The following ANKRD30B variants were observed in gnomAD, a reference collection of about 807,000 sequenced individuals.
The protein encoded by ANKRD30B is ankyrin repeat domain 30B.
ANKRD30B carries 144 observed loss-of-function variants against 202.2 expected under a neutral mutation model. The ratio of observed to expected loss-of-function variants is 0.71; its 90% CI spans 0.62 to 0.82. The LOEUF (loss-of-function observed/expected upper bound fraction) is 0.82. ANKRD30B is among the 40% of genes least tolerant of loss of function. ANKRD30B has a pLI of 0.00. For synonymous variants in ANKRD30B, 508 were observed against 561.3 expected, an observed-to-expected ratio of 0.91 and a Z score of 1.34; for missense variants, 1,487 against 1,669.1, an observed-to-expected ratio of 0.89 and a Z score of 1.90.
intron 32 of ANKRD30B, 147 bp downstream of exon 32, chr18:14,822,824 T>C: frequency 1.9e-6 from 2 of 1,049,454 alleles, no homozygotes; most frequent in Non-Finnish European, 2.6e-6. Context: ...AGTATTCATG[T>C]TTGAGAAAAT....
the ANKRD30B span, among the ~76,000 whole-genome samples, chr18:14,933,286 C>T: frequency 2.0e-5 from 3 of 152,202 alleles, no homozygotes; most frequent in Non-Finnish European, 2.9e-5. Flanking sequence ...TCCCACCCTC[C>T]TTCCCCAGCC....
chr18:14,894,652 C>T, the ANKRD30B span, among the ~76,000 whole-genome samples: 1 of 151,444 alleles, frequency 6.6e-6, no homozygotes, highest in East Asian at 1.9e-4. Context: ...AAACTAAGAA[C>T]TAGTATCAAC....
the ANKRD30B span, among the ~76,000 whole-genome samples, chr18:14,860,345 A>C: frequency 1.0e-5 from 1 of 99,684 alleles, no homozygotes; most frequent in Non-Finnish European, 2.0e-5. Context: ...CACTTCCCAG[A>C]CAGGGCTGCC....
rs1280121479 is a variant in ANKRD30B at position 14,828,252 on chromosome 18, A to T, written c.2744-26A>T. The T allele has an allele frequency of 4.0e-6, 6 of 1,484,494 alleles. No individual in the cohort carries two copies. In the African/African-American group the frequency reaches 8.5e-5, roughly 21 times the overall value. 92.0% of individuals were successfully genotyped at this position (1,484,494 alleles called of 1,614,324 possible). A position where few individuals can be genotyped will look rare whatever the true frequency, so the allele number is the denominator to read the frequency against. On this transcript the variant is annotated intron_variant, in intron 32 of 43. Transcript: ENST00000690538. ...TTTTTTATTTATATTTGTTGATTTA[A>T]TGTATTTTACTCTTTTCTTTAATAG...
At chr18:14,911,135 T>C in the ANKRD30B span, among the ~76,000 whole-genome samples, 541 of 152,306 alleles carry the variant, frequency 3.6e-3, 5 homozygotes, top group African/African-American at 0.012. Context: ...TTAAGTTTCA[T>C]TTGTCTATTT....
chr18:14,754,194 C>G (rs1417416814), intron 3 of ANKRD30B, among the ~76,000 whole-genome samples: 2 of 152,118 alleles, frequency 1.3e-5, no homozygotes, highest in East Asian at 3.8e-4. Context: ...AGCAGGAGTG[C>G]CTGACATTGG....
chr18:14,900,333 T>C, the ANKRD30B span, among the ~76,000 whole-genome samples: 1 of 152,224 alleles, frequency 6.6e-6, no homozygotes, highest in Admixed American at 6.5e-5. Flanking sequence ...TCATCTATAA[T>C]GTCATGTAAC....
rs74824740 is a variant in ANKRD30B, at chr18:14,789,775, G to C, written c.1735-1626G>C. ...ATCTCTGTTTTGGTACCAGTACCAC[G>C]CTGTTTTGGTCACTGAAGCCTTGTA... is the stretch of plus-strand genomic sequence containing the variant. On this transcript the variant is annotated intron_variant, in intron 15 of 43. Transcript: ENST00000690538. Among the ~76,000 whole-genome samples the C allele has an allele frequency of 2.5e-4, 38 of 151,994 alleles. No individual in the cohort carries two copies. In the East Asian group the frequency reaches 6.0e-3, roughly 24 times the overall value.
intron 15 of ANKRD30B, among the ~76,000 whole-genome samples, chr18:14,788,580 T>C (rs1968247451): frequency 6.6e-6 from 1 of 151,952 alleles, no homozygotes; most frequent in South Asian, 2.1e-4. Context: ...GAGTGTGATG[T>C]TCCCCTTCCC....
the ANKRD30B span, among the ~76,000 whole-genome samples, chr18:14,937,769 ATTCT>A: frequency 6.6e-6 from 1 of 152,092 alleles, no homozygotes; most frequent in Non-Finnish European, 1.5e-5. Flanking sequence ...TCGTTGCTTC[ATTCT>A]TTTGTTACTT....
At chr18:14,795,609 G>T (rs955693812) in intron 16 of ANKRD30B, among the ~76,000 whole-genome samples, 4 of 152,146 alleles carry the variant, frequency 2.6e-5, no homozygotes, top group African/African-American at 9.7e-5. Context: ...CTATTTCACA[G>T]AGGTTCAAAA....
At chr18:14,895,897 G>T in the ANKRD30B span, among the ~76,000 whole-genome samples, 1 of 151,774 alleles carries the variant, frequency 6.6e-6, no homozygotes, top group Admixed American at 6.6e-5. Flanking sequence ...CTGAATCACA[G>T]GGGATTTTTA....
At chr18:14,887,090 G>A in the ANKRD30B span, among the ~76,000 whole-genome samples, 1 of 152,096 alleles carries the variant, frequency 6.6e-6, no homozygotes. Context: ...AACCACAATG[G>A]TTAGCAAACC....
intron 15 of ANKRD30B, among the ~76,000 whole-genome samples, chr18:14,789,167 T>C (rs1968294939): frequency 6.6e-6 from 1 of 152,378 alleles, no homozygotes; most frequent in Middle Eastern, 3.4e-3. Flanking sequence ...TTTTTTCATG[T>C]GTTTTTTGGA....
intron 41 of ANKRD30B, 148 bp downstream of exon 41, chr18:14,850,530 G>A (rs1971839836): frequency 2.4e-6 from 2 of 829,458 alleles, no homozygotes; most frequent in African/African-American, 3.6e-5. Flanking sequence ...TGTAGCTACA[G>A]GTATTTATTA....
chr18:14,835,041 C>G (rs1256674041), intron 34 of ANKRD30B, among the ~76,000 whole-genome samples: 2 of 151,794 alleles, frequency 1.3e-5, no homozygotes, highest in Admixed American at 1.3e-4. Flanking sequence ...TTATCTTACT[C>G]TTTTATATAA....
At chr18:14,807,526 A>C (rs1383534623) in intron 24 of ANKRD30B, among the ~76,000 whole-genome samples, 4 of 147,288 alleles carry the variant, frequency 2.7e-5, no homozygotes, top group Non-Finnish European at 6.0e-5. Flanking sequence ...TGATACTTTC[A>C]TATCAGGTGT....
chr18:14,751,110 AT>A (rs1244827472), intron 1 of ANKRD30B, among the ~76,000 whole-genome samples: 2 of 151,926 alleles, frequency 1.3e-5, no homozygotes, highest in African/African-American at 4.8e-5. Flanking sequence ...AGAAGAGAAT[AT>A]TTTTATCTCT....
At chr18:14,781,850 G>C (rs1189298530) in intron 11 of ANKRD30B, among the ~76,000 whole-genome samples, 10 of 152,152 alleles carry the variant, frequency 6.6e-5, no homozygotes, top group Admixed American at 6.5e-4. Context: ...ACAAAAGCTT[G>C]AGTCAACACC....
Sources: gnomAD v4.1 joint callset for allele counts (sites outside exome capture counted in the v4.1 genomes callset) on GRCh38, gnomAD v4.1.1 for gene constraint, MANE v1.5 for transcripts, NCBI Gene and HGNC (gene_info 2026-07-23, HGNC 2026-07-21) for gene names.